Variants in SGCD observed in about 807,000 individuals in gnomAD.
The protein encoded by SGCD is sarcoglycan delta, also known as delta-sarcoglycan.
Under a neutral mutation model 36.6 loss-of-function variants are expected in SGCD, and 18 were observed. That is an observed-to-expected ratio of 0.49 (90% confidence interval 0.34 to 0.73). The LOEUF (loss-of-function observed/expected upper bound fraction) is 0.73, where lower values mean the gene tolerates loss of function less well. Ranked by LOEUF, SGCD falls within the 30% of genes least tolerant of loss-of-function variation. The pLI is 0.01. For synonymous variants in SGCD, 133 were observed against 130.6 expected (o/e 1.02, Z -0.12); for missense variants, 387 against 346.7 (o/e 1.12, Z -0.92).
the SGCD span, among the ~76,000 whole-genome samples, chr5:155,766,311 G>C: frequency 6.6e-6 from 1 of 152,120 alleles, no homozygotes; most frequent in Admixed American, 6.5e-5. Flanking sequence ...AAGAAGAAGG[G>C]AGTAAGCAAA....
intron 3 of SGCD, among the ~76,000 whole-genome samples, chr5:156,200,246 T>C (rs971093579): frequency 2.6e-5 from 4 of 152,034 alleles, no homozygotes; most frequent in African/African-American, 7.2e-5. Flanking sequence ...GAGGACCTTC[T>C]CTTCCTTGCT....
intron 3 of SGCD, among the ~76,000 whole-genome samples, chr5:156,284,300 G>A (rs1411255210): frequency 1.3e-5 from 2 of 152,130 alleles, no homozygotes; most frequent in Non-Finnish European, 1.5e-5. Flanking sequence ...GAAAAAGAGA[G>A]AATCCTCCCT....
At chr5:156,687,579 C>T (rs1320643839) in intron 7 of SGCD, among the ~76,000 whole-genome samples, 3 of 152,126 alleles carry the variant, frequency 2.0e-5, no homozygotes, top group Non-Finnish European at 4.4e-5. Flanking sequence ...TTATCAAAGC[C>T]GCACATTGAA....
At chr5:156,101,503 T>C (rs892284882) in intron 1 of SGCD, among the ~76,000 whole-genome samples, 1 of 152,194 alleles carries the variant, frequency 6.6e-6, no homozygotes, top group Non-Finnish European at 1.5e-5. Context: ...GAAATATACC[T>C]TTGCCTTAAC....
chr5:156,042,725 CA>C (rs1759667378), intron 1 of SGCD, among the ~76,000 whole-genome samples: 1 of 152,154 alleles, frequency 6.6e-6, no homozygotes, highest in Non-Finnish European at 1.5e-5. Context: ...GGGGAGCCAT[CA>C]GTTGTCAGAT....
intron 1 of SGCD, among the ~76,000 whole-genome samples, chr5:155,970,166 T>G (rs537264349): frequency 6.6e-6 from 1 of 152,084 alleles, no homozygotes; most frequent in East Asian, 1.9e-4. Flanking sequence ...CTAAGGACAA[T>G]AAGTAATTCA....
intron 1 of SGCD, among the ~76,000 whole-genome samples, chr5:155,897,692 C>T (rs1318591375): frequency 1.3e-5 from 2 of 151,176 alleles, no homozygotes; most frequent in African/African-American, 4.9e-5. Context: ...ACTTTTTAAA[C>T]TTTTTAAATT....
At chr5:156,535,815 T>G (rs967228024) in intron 4 of SGCD, among the ~76,000 whole-genome samples, 3 of 152,172 alleles carry the variant, frequency 2.0e-5, no homozygotes. Context: ...CTGTCTTTGA[T>G]GAGCCATCAC....
At chr5:155,852,686 A>C in the SGCD span, among the ~76,000 whole-genome samples, 1 of 152,180 alleles carries the variant, frequency 6.6e-6, no homozygotes, top group Non-Finnish European at 1.5e-5. Context: ...GGAAAAAAGA[A>C]AAGTGAAGGA....
At chr5:156,095,085 G>C (rs892350986) in intron 1 of SGCD, among the ~76,000 whole-genome samples, 1 of 152,130 alleles carries the variant, frequency 6.6e-6, no homozygotes, top group South Asian at 2.1e-4. Context: ...GATGATTACT[G>C]TCCTTATTGC....
intron 1 of SGCD, among the ~76,000 whole-genome samples, chr5:155,994,615 A>G (rs1348103958): frequency 6.6e-6 from 1 of 152,226 alleles, no homozygotes; most frequent in African/African-American, 2.4e-5. Context: ...GTATCTCTGG[A>G]AAACAACCAC....
At chr5:155,842,437 G>A in the SGCD span, among the ~76,000 whole-genome samples, 1 of 152,032 alleles carries the variant, frequency 6.6e-6, no homozygotes, top group Non-Finnish European at 1.5e-5. Context: ...TCTGGGCATG[G>A]TGGTGCACAC....
At chr5:156,429,377 C>A (rs897550519) in intron 3 of SGCD, among the ~76,000 whole-genome samples, 1 of 151,392 alleles carries the variant, frequency 6.6e-6, no homozygotes, top group Admixed American at 6.6e-5. Flanking sequence ...TTTTTCTACC[C>A]CTTTACCTTA....
rs761237226 is a variant in SGCD at position 156,728,061 on chromosome 5, T to C, written c.576-29520T>C. ...TGTGAGGTCACTACTAGTGTTATCC[T>C]CTTGTAACAGTTGGGTAAACTGAAG... On this transcript the variant is annotated intron_variant, in intron 7 of 8. Transcript: ENST00000337851. 3.9e-4 allele frequency among the ~76,000 whole-genome samples: 60 copies of C among 152,316 alleles called. No individual in the cohort carries two copies. The Middle Eastern group carries it at 0.01, about 26-fold the overall frequency.
intron 1 of SGCD, among the ~76,000 whole-genome samples, chr5:155,963,513 A>T (rs1411745208): frequency 6.6e-6 from 1 of 152,096 alleles, no homozygotes; most frequent in African/African-American, 2.4e-5. Context: ...AACAGCAGTG[A>T]TGATAATATT....
intron 1 of SGCD, among the ~76,000 whole-genome samples, chr5:155,945,079 A>C (rs1757411076): frequency 6.6e-6 from 1 of 152,236 alleles, no homozygotes; most frequent in South Asian, 2.1e-4. Flanking sequence ...TTAAGTTTAC[A>C]GATAAATTTC....
chr5:156,439,669 T>G (rs1753398404), intron 3 of SGCD, among the ~76,000 whole-genome samples: 1 of 150,962 alleles, frequency 6.6e-6, no homozygotes, highest in African/African-American at 2.5e-5. Context: ...AAAACAGTTC[T>G]TATCCTTTGG....
chr5:156,389,369 G>A (rs956278418), intron 3 of SGCD, among the ~76,000 whole-genome samples: 4 of 152,136 alleles, frequency 2.6e-5, no homozygotes, highest in Non-Finnish European at 4.4e-5. Flanking sequence ...ACAGAGACTG[G>A]ATGCCTACCC....
upstream of SGCD, among the ~76,000 whole-genome samples, chr5:156,322,607 T>A (rs75193309): frequency 2.7e-3 from 415 of 152,214 alleles, 4 homozygotes; most frequent in African/African-American, 9.5e-3. Flanking sequence ...CTAGAGGAAG[T>A]GATAATGGAG....
Sources: gnomAD v4.1 joint callset for allele counts (sites outside exome capture counted in the v4.1 genomes callset) on GRCh38, gnomAD v4.1.1 for gene constraint, MANE v1.5 for transcripts, NCBI Gene and HGNC (gene_info 2026-07-23, HGNC 2026-07-21) for gene names.